Variants in FNDC3A observed in about 807,000 individuals in gnomAD.
FNDC3A encodes the protein fibronectin type III domain containing 3A.
In FNDC3A, 32 loss-of-function variants were observed where a neutral mutation model predicts 148.9. The observed-to-expected ratio is 0.21, with a 90% CI of 0.16 to 0.29. The LOEUF (loss-of-function observed/expected upper bound fraction) is 0.29, where lower values mean the gene tolerates loss of function less well. Ranked by LOEUF, FNDC3A falls within the 10% of genes least tolerant of loss-of-function variation. FNDC3A has a pLI of 1.00. For synonymous variants in FNDC3A, 472 were observed against 473.6 expected, an observed-to-expected ratio of 1.00 and a Z score of 0.04; for missense variants, 1,191 against 1,452.8, an observed-to-expected ratio of 0.82 and a Z score of 2.93.
chr13:49,169,740 G>A (rs1884659323), intron 10 of FNDC3A, among the ~76,000 whole-genome samples: 1 of 152,158 alleles, frequency 6.6e-6, no homozygotes, highest in South Asian at 2.1e-4. Context: ...TTAAAAATGT[G>A]GGGCTTACTA....
chr13:49,155,127 G>A (rs1468254834), intron 8 of FNDC3A, among the ~76,000 whole-genome samples: 37 of 148,334 alleles, frequency 2.5e-4, no homozygotes, highest in African/African-American at 6.7e-4. Context: ...GATAGAATTC[G>A]GCTGTGAATC....
intron 3 of FNDC3A, among the ~76,000 whole-genome samples, chr13:49,091,025 A>G (rs957495832): frequency 1.3e-5 from 2 of 152,114 alleles, no homozygotes; most frequent in Non-Finnish European, 2.9e-5. Context: ...ACTGAAAATG[A>G]CCATACATGC....
At chr13:49,071,178 G>C (rs1296164188) in intron 2 of FNDC3A, among the ~76,000 whole-genome samples, 1 of 150,856 alleles carries the variant, frequency 6.6e-6, no homozygotes, top group Non-Finnish European at 1.5e-5. Flanking sequence ...GGGATTACAG[G>C]AGTGAGCCAC....
chr13:49,042,767 T>C (rs1875042734), intron 2 of FNDC3A, among the ~76,000 whole-genome samples: 1 of 152,056 alleles, frequency 6.6e-6, no homozygotes, highest in Non-Finnish European at 1.5e-5. Flanking sequence ...ACAGAGACCC[T>C]GTCTCAAAAA....
chr13:49,135,680 A>G (rs972996060), intron 5 of FNDC3A, among the ~76,000 whole-genome samples: 1 of 152,220 alleles, frequency 6.6e-6, no homozygotes, highest in Non-Finnish European at 1.5e-5. Context: ...TTTAAATTTA[A>G]AAAACTCTGG....
At chr13:49,017,425 C>T (rs1469721598) in intron 2 of FNDC3A, among the ~76,000 whole-genome samples, 5 of 152,006 alleles carry the variant, frequency 3.3e-5, no homozygotes, top group Admixed American at 1.3e-4. Context: ...GATTGCAACC[C>T]CTGCCTTTTT....
intron 2 of FNDC3A, among the ~76,000 whole-genome samples, chr13:49,065,013 T>C (rs2994377): frequency 2.8e-4 from 43 of 152,136 alleles, no homozygotes; most frequent in African/African-American, 8.4e-4. Context: ...AATTCCTGAT[T>C]CAGTTATCTA....
rs577239904 is a variant in FNDC3A, at chr13:49,208,874, C to T, written c.*1479C>T. 3.3e-5 allele frequency: 5 copies of T among 152,440 alleles called. No homozygotes were observed. Among genetic ancestry groups the T allele is most frequent in the Non-Finnish European group, 5.9e-5 (4 of 67,984 alleles). The allele number at this position is 152,440 out of a possible 1,614,324, so 9.4% of individuals were successfully genotyped here. On this transcript the variant is annotated 3_prime_UTR_variant, in exon 26 of 26. Coordinates refer to ENST00000492622, the MANE Select transcript of FNDC3A (RefSeq NM_001079673.2). The stretch of plus-strand genomic sequence containing the variant: ...CTTCTGTCAGTCTTTGAAAAAAGAA[C>T]GTATTTTTTGTGCTTTGAAGATCTC...
chr13:49,150,030 T>C (rs903308527), intron 8 of FNDC3A, among the ~76,000 whole-genome samples: 1 of 152,138 alleles, frequency 6.6e-6, no homozygotes. Flanking sequence ...AGTGTCTCCT[T>C]TTCCACTTCT....
At chr13:48,994,504 C>T (rs866373323) in intron 1 of FNDC3A, among the ~76,000 whole-genome samples, 9 of 152,282 alleles carry the variant, frequency 5.9e-5, no homozygotes, top group Middle Eastern at 3.4e-3. Context: ...TGTGGTTGAG[C>T]GCAGTGGCTC....
chr13:49,023,207 A>G (rs897737717), intron 2 of FNDC3A, among the ~76,000 whole-genome samples: 2 of 151,964 alleles, frequency 1.3e-5, no homozygotes, highest in Non-Finnish European at 1.5e-5. Flanking sequence ...TAGTTTTTAT[A>G]TTTGGCACAA....
chr13:49,188,882 G>C (rs922034288), intron 17 of FNDC3A, among the ~76,000 whole-genome samples: 1 of 152,106 alleles, frequency 6.6e-6, no homozygotes, highest in South Asian at 2.1e-4. Context: ...GAAAACATTG[G>C]AGAAAATTTT....
chr13:49,004,507 A>G (rs1175077719), intron 1 of FNDC3A, among the ~76,000 whole-genome samples: 1 of 152,050 alleles, frequency 6.6e-6, no homozygotes, highest in Non-Finnish European at 1.5e-5. Flanking sequence ...ATATTGAAAT[A>G]TAGCATGTGG....
intron 8 of FNDC3A, among the ~76,000 whole-genome samples, chr13:49,152,243 T>C (rs1883347736): frequency 1.3e-5 from 2 of 152,186 alleles, no homozygotes; most frequent in South Asian, 4.1e-4. Context: ...CACCTGTTGT[T>C]TCCTGACTTT....
intron 2 of FNDC3A, among the ~76,000 whole-genome samples, chr13:49,041,577 G>A (rs1271506120): frequency 6.6e-6 from 1 of 152,208 alleles, no homozygotes; most frequent in Non-Finnish European, 1.5e-5. Context: ...TTGGGAGGCT[G>A]AGGCGGGCAG....
intron 25 of FNDC3A, 108 bp from the exon 26 acceptor site, chr13:49,206,973 G>A: frequency 1.4e-6 from 1 of 703,704 alleles, no homozygotes; most frequent in Admixed American, 2.6e-5. Context: ...TAAAATCAAT[G>A]GCATTCACTG....
rs1232525044 is a variant in FNDC3A at position 49,196,663 on chromosome 13, T to C, written c.2227-214T>C. ...TGAAGAAATAAGGGGCAGAAGAAAG[T>C]ATAGGTAAATGAAACTTTAAAATTT... On this transcript the variant is annotated intron_variant, in intron 19 of 25. Coordinates refer to ENST00000492622, the MANE Select transcript of FNDC3A (RefSeq NM_001079673.2). Among the ~76,000 whole-genome samples, 6 of 152,270 alleles carry C rather than the reference T, an allele frequency of 3.9e-5. 1 individual carries two copies. The highest frequency in any genetic ancestry group is 3.9e-4 in the Admixed American group (6 of 15,296).
chr13:49,166,365 A>C (rs572956115), intron 8 of FNDC3A, among the ~76,000 whole-genome samples: 48 of 152,166 alleles, frequency 3.2e-4, no homozygotes, highest in Non-Finnish European at 5.6e-4. Flanking sequence ...AGCCAGTGAC[A>C]GTGGTGGCCT....
intron 6 of FNDC3A, 43 bp downstream of exon 6, chr13:49,136,644 T>G (rs761400358): frequency 1.3e-6 from 2 of 1,572,360 alleles, no homozygotes; most frequent in Admixed American, 3.4e-5. Flanking sequence ...GATGCTATTC[T>G]CGTGATTTAA....
Sources: allele counts gnomAD v4.1 joint callset (sites outside exome capture counted in the v4.1 genomes callset), GRCh38; gene constraint gnomAD v4.1.1; transcripts MANE v1.5; gene names NCBI Gene and HGNC (gene_info 2026-07-23, HGNC 2026-07-21).